The following CACUL1 variants were observed in gnomAD, a reference collection of about 807,000 sequenced individuals.
CACUL1 encodes the protein CDK2-associated and cullin domain-containing protein 1.
CACUL1 carries 13 observed loss-of-function variants against 45.2 expected under a neutral mutation model. The observed-to-expected ratio is 0.29, with a 90% confidence interval of 0.19 to 0.46. The LOEUF is 0.46. Ranked by LOEUF, CACUL1 falls within the 20% of genes least tolerant of loss-of-function variation. The pLI is 1.00. For synonymous variants in CACUL1, 197 were observed against 174.2 expected (o/e 1.13, Z -1.03); for missense variants, 421 against 471.4 (o/e 0.89, Z 0.99).
intron 3 of CACUL1, among the ~76,000 whole-genome samples, chr10:118,719,028 C>G (rs943321782): frequency 2.6e-5 from 4 of 152,184 alleles, no homozygotes; most frequent in African/African-American, 9.7e-5. Context: ...TCAACATGCA[C>G]AGAGATGTCC....
intron 1 of CACUL1, among the ~76,000 whole-genome samples, chr10:118,742,379 G>T (rs1845800644): frequency 6.6e-6 from 1 of 152,156 alleles, no homozygotes; most frequent in South Asian, 2.1e-4. Context: ...ATGGTCTACG[G>T]TTTACAGAGT....
At chr10:118,730,858 A>G (rs2119642991) in intron 1 of CACUL1, among the ~76,000 whole-genome samples, 1 of 152,330 alleles carries the variant, frequency 6.6e-6, no homozygotes, top group East Asian at 1.9e-4. Flanking sequence ...AAATGTGCCT[A>G]AGGACAGGAC....
intron 1 of CACUL1, among the ~76,000 whole-genome samples, chr10:118,737,102 G>C (rs966729245): frequency 9.0e-5 from 13 of 144,428 alleles, no homozygotes; most frequent in African/African-American, 3.3e-4. Context: ...AAGCATGACA[G>C]TACTTTAACA....
intron 1 of CACUL1, among the ~76,000 whole-genome samples, chr10:118,745,328 T>G (rs768703607): frequency 9.2e-5 from 14 of 151,846 alleles, no homozygotes; most frequent in Non-Finnish European, 2.1e-4. Context: ...GAGGCCGAGG[T>G]AGGTAGGTGG....
intron 6 of CACUL1, among the ~76,000 whole-genome samples, chr10:118,692,101 C>A (rs1845277592): frequency 6.6e-6 from 1 of 151,388 alleles, no homozygotes; most frequent in Non-Finnish European, 1.5e-5. Flanking sequence ...AATATATAGC[C>A]CAAGAATAGA....
intron 3 of CACUL1, among the ~76,000 whole-genome samples, chr10:118,723,163 T>A (rs1845617286): frequency 6.6e-6 from 1 of 152,230 alleles, no homozygotes; most frequent in Non-Finnish European, 1.5e-5. Context: ...TCTATTTATC[T>A]CATCTGTTCT....
intron 1 of CACUL1, among the ~76,000 whole-genome samples, chr10:118,744,319 G>A: frequency 6.6e-6 from 1 of 152,156 alleles, no homozygotes; most frequent in East Asian, 1.9e-4. Flanking sequence ...CCGGGAGGTG[G>A]AGGTTGTGGT....
At chr10:118,722,518 T>C (rs1233525558) in intron 3 of CACUL1, among the ~76,000 whole-genome samples, 1 of 152,168 alleles carries the variant, frequency 6.6e-6, no homozygotes, top group Non-Finnish European at 1.5e-5. Context: ...ATGCACACTG[T>C]TGACACTATC....
At chr10:118,715,632 T>C (rs1392157153) in intron 3 of CACUL1, among the ~76,000 whole-genome samples, 2 of 152,222 alleles carry the variant, frequency 1.3e-5, no homozygotes, top group Admixed American at 6.5e-5. Flanking sequence ...CATAACTAAC[T>C]GGACAATGCA....
chr10:118,730,876 A>G (rs910868538), intron 1 of CACUL1, among the ~76,000 whole-genome samples: 2 of 152,204 alleles, frequency 1.3e-5, no homozygotes, highest in Non-Finnish European at 2.9e-5. Flanking sequence ...GACTATGAGG[A>G]TTAAGGTCCA....
chr10:118,747,491 A>C (rs1231835809), intron 1 of CACUL1, among the ~76,000 whole-genome samples: 2 of 150,422 alleles, frequency 1.3e-5, no homozygotes, highest in African/African-American at 4.9e-5. Context: ...AGACCACCTA[A>C]ATGATCAACC....
intron 3 of CACUL1, among the ~76,000 whole-genome samples, chr10:118,724,740 G>A (rs1228620557): frequency 6.6e-5 from 10 of 152,100 alleles, no homozygotes; most frequent in African/African-American, 2.4e-4. Context: ...GACAACAATG[G>A]GAATCAAAGA....
chr10:118,720,767 C>A (rs1845592776), intron 3 of CACUL1, among the ~76,000 whole-genome samples: 1 of 152,182 alleles, frequency 6.6e-6, no homozygotes, highest in African/African-American at 2.4e-5. Flanking sequence ...CATGAAAATA[C>A]AAACAAAATC....
At chr10:118,686,825 T>C (rs1000911400) in intron 7 of CACUL1, 184 bp from the exon 8 acceptor site, 1 of 601,822 alleles carries the variant, frequency 1.7e-6, no homozygotes, top group East Asian at 2.8e-5. Context: ...TGGAAGAACA[T>C]GAGCCTTTAC....
rs150393133 is a variant in CACUL1, at chr10:118,738,892, T to TAAAAAAAAAAAA, written c.368-8494_368-8483dup. ...AAAAAAGAAGTAATCCAAGTGCTCTTAAAAAAAAAAAAAAAAAAAAAAAGC... is the reference window on the plus strand; with the variant it reads ...AAAAAAGAAGTAATCCAAGTGCTCTTAAAAAAAAAAAAAAAAAAAAAAAAAAAAAAAAAAAGC... On this transcript the variant is annotated intron_variant, in intron 1 of 8. Coordinates refer to ENST00000369151, the MANE Select transcript of CACUL1 (RefSeq NM_153810.5). Among the ~76,000 whole-genome samples, 2 of 62,258 alleles carry TAAAAAAAAAAAA rather than the reference T, an allele frequency of 3.2e-5. 1 individual carries two copies. The highest frequency in any genetic ancestry group is 5.9e-5 in the Non-Finnish European group (2 of 34,020). 40.8% of individuals were successfully genotyped at this position (62,258 alleles called of 152,430 possible).
At chr10:118,709,461 G>A (rs1033479908) in intron 3 of CACUL1, among the ~76,000 whole-genome samples, 3 of 152,204 alleles carry the variant, frequency 2.0e-5, no homozygotes, top group African/African-American at 7.2e-5. Context: ...TCTAAGACTA[G>A]ACCGTTAGCC....
At chr10:118,700,499 C>T (rs1214484148) in intron 5 of CACUL1, among the ~76,000 whole-genome samples, 1 of 151,944 alleles carries the variant, frequency 6.6e-6, no homozygotes, top group Non-Finnish European at 1.5e-5. Context: ...GGGTGGATCA[C>T]GAGGTCAAAA....
chr10:118,694,077 G>A (rs1336318035), intron 6 of CACUL1, among the ~76,000 whole-genome samples: 4 of 152,144 alleles, frequency 2.6e-5, no homozygotes, highest in Non-Finnish European at 4.4e-5. Context: ...TGTTAGCCAG[G>A]ATGGTCTGGA....
chr10:118,745,324 G>A (rs986564607), intron 1 of CACUL1, among the ~76,000 whole-genome samples: 4 of 152,248 alleles, frequency 2.6e-5, no homozygotes, highest in African/African-American at 4.8e-5. Flanking sequence ...TTGGGAGGCC[G>A]AGGTAGGTAG....
Sources: gnomAD v4.1 joint callset for allele counts (sites outside exome capture counted in the v4.1 genomes callset) on GRCh38, gnomAD v4.1.1 for gene constraint, MANE v1.5 for transcripts, NCBI Gene and HGNC (gene_info 2026-07-23, HGNC 2026-07-21) for gene names.